TLN2: variants seen among roughly 807,000 people sequenced by gnomAD.
TLN2 encodes the protein talin-2.
TLN2 carries 118 observed loss-of-function variants against 294.7 expected under a neutral mutation model. The ratio of observed to expected loss-of-function variants is 0.40; its 90% CI spans 0.34 to 0.47. The LOEUF (loss-of-function observed/expected upper bound fraction) is 0.47, where lower values mean the gene tolerates loss of function less well. TLN2 is among the 20% of genes least tolerant of loss of function. The pLI is 0.84. For missense variants in TLN2, 3,083 were observed against 3,282.2 expected, an observed-to-expected ratio of 0.94 and a Z score of 1.48; for synonymous variants, 1,431 against 1,304.5, an observed-to-expected ratio of 1.10 and a Z score of -2.09.
At position 62,541,931 on chromosome 15, in the gene TLN2, G is replaced by A. The variant is rs1199845191; in HGVS notation, c.-237-47756G>A. On this transcript the variant is annotated intron_variant, in intron 1 of 58. Coordinates refer to ENST00000636159, the MANE Select transcript of TLN2 (RefSeq NM_015059.3). Reference sequence around the variant, plus strand: ...GCTACTCCAGCTGCTTTGCTATATTGTGGATTATTTGTGAACAAATATTTT... The same window carrying A: ...GCTACTCCAGCTGCTTTGCTATATTATGGATTATTTGTGAACAAATATTTT... 2.0e-5 allele frequency among the ~76,000 whole-genome samples: 3 copies of A among 151,224 alleles called. No homozygotes were observed. In the East Asian group the frequency reaches 5.8e-4, roughly 29 times the overall value.
At chr15:62,594,879 G>T (rs2046356887) in intron 2 of TLN2, among the ~76,000 whole-genome samples, 1 of 152,156 alleles carries the variant, frequency 6.6e-6, no homozygotes, top group African/African-American at 2.4e-5. Context: ...CAGAATGGGA[G>T]AAAATGTTTG....
At chr15:62,835,580 C>T in intron 55 of TLN2, 157 bp from the exon 56 acceptor site, 1 of 755,862 alleles carries the variant, frequency 1.3e-6, no homozygotes, top group East Asian at 2.5e-5. Flanking sequence ...GGCCTGAGTC[C>T]CACGTGAGAA....
chr15:62,650,042 T>A (rs765012191), intron 4 of TLN2, 42 bp from the exon 5 acceptor site: 1 of 1,603,498 alleles, frequency 6.2e-7, no homozygotes, highest in Non-Finnish European at 8.5e-7. Flanking sequence ...GATGGCTTCA[T>A]CACCACTTTG....
rs544283829 is a variant in TLN2 at position 62,843,899 on chromosome 15, C to G, written c.*3289C>G. On this transcript the variant is annotated 3_prime_UTR_variant, in exon 59 of 59. Transcript: ENST00000636159. ...TGGCAGATAGTCCCCAGAATCTTCT[C>G]TCCCAGCTTTGAGGTTCTGGGCTCT... is the stretch of plus-strand genomic sequence containing the variant. 6.6e-6 allele frequency: 1 copy of G among 152,306 alleles called. No homozygotes were observed. Among genetic ancestry groups the G allele is most frequent in the South Asian group, 2.1e-4 (1 of 4,820 alleles). 9.4% of individuals were successfully genotyped at this position (152,306 alleles called of 1,614,324 possible).
chr15:62,557,009 C>G (rs1273514035), intron 1 of TLN2, among the ~76,000 whole-genome samples: 2 of 152,144 alleles, frequency 1.3e-5, no homozygotes, highest in South Asian at 4.1e-4. Flanking sequence ...TATGATTGAT[C>G]AAAAACAGAT....
At chr15:62,640,878 T>C (rs1285310707) in intron 3 of TLN2, among the ~76,000 whole-genome samples, 1 of 152,172 alleles carries the variant, frequency 6.6e-6, no homozygotes, top group Non-Finnish European at 1.5e-5. Context: ...CTTGGCTCAC[T>C]GCAACCACTA....
At chr15:62,687,566 T>C (rs749463555) in intron 12 of TLN2, among the ~76,000 whole-genome samples, 2 of 152,198 alleles carry the variant, frequency 1.3e-5, no homozygotes, top group Non-Finnish European at 2.9e-5. Flanking sequence ...TGAAACACAA[T>C]AGAGCGGGTG....
At chr15:62,840,380 T>A in intron 58 of TLN2, 102 bp from the exon 59 acceptor site, 1 of 1,497,980 alleles carries the variant, frequency 6.7e-7, no homozygotes, top group South Asian at 1.3e-5. Context: ...TGCTGCAGTG[T>A]CCCACGGTCG....
At chr15:62,593,305 C>T (rs1321130062) in intron 2 of TLN2, among the ~76,000 whole-genome samples, 1 of 152,246 alleles carries the variant, frequency 6.6e-6, no homozygotes, top group African/African-American at 2.4e-5. Context: ...CCCTGAGTGA[C>T]TGAGAGTTCT....
chr15:62,722,386 G>T lies in TLN2; in HGVS notation c.3025G>T (p.Ala1009Ser), dbSNP rs113672570. ...GSKMVSSAKA[A>S]VPTVSDQAAA... Reference sequence around the variant, plus strand: ...CAAGATGGTGTCCTCTGCCAAAGCCGCAGTGCCCACCGTGAGTGACCAGGC... The same window carrying T: ...CAAGATGGTGTCCTCTGCCAAAGCCTCAGTGCCCACCGTGAGTGACCAGGC... Residue 1009 changes from alanine (A) to serine (S), a missense_variant, in exon 26 of 59, where the codon GCA becomes TCA. Physicochemically the swap from Ala to Ser is moderately conservative, Grantham distance 99. Coordinates refer to ENST00000636159, the MANE Select transcript of TLN2 (RefSeq NM_015059.3). 49 of 1,612,664 alleles carry T rather than the reference G, an allele frequency of 3.0e-5. No homozygotes were observed. In the South Asian group the frequency reaches 4.9e-4, roughly 16 times the overall value.
At chr15:62,420,101 C>A (rs1438603771) in intron 1 of TLN2, among the ~76,000 whole-genome samples, 1 of 152,182 alleles carries the variant, frequency 6.6e-6, no homozygotes, top group Non-Finnish European at 1.5e-5. Flanking sequence ...CCTTATAAAA[C>A]TGGGAAATTA....
At chr15:62,621,951 C>G (rs1201471478) in intron 3 of TLN2, among the ~76,000 whole-genome samples, 8 of 152,260 alleles carry the variant, frequency 5.3e-5, no homozygotes, top group Non-Finnish European at 4.4e-5. Context: ...AATCACTCTG[C>G]TAGTGTAGAT....
At chr15:62,437,081 C>G (rs1342674522) in intron 1 of TLN2, among the ~76,000 whole-genome samples, 5 of 152,202 alleles carry the variant, frequency 3.3e-5, no homozygotes, top group Non-Finnish European at 5.9e-5. Context: ...AGTAGAATTC[C>G]CAACACATTG....
intron 2 of TLN2, among the ~76,000 whole-genome samples, chr15:62,593,740 T>A (rs1368853583): frequency 2.6e-5 from 4 of 152,198 alleles, no homozygotes; most frequent in African/African-American, 9.7e-5. Context: ...TTACAACAAA[T>A]CAGAATTGGA....
chr15:62,806,831 C>CG (rs2066320635), intron 51 of TLN2, among the ~76,000 whole-genome samples: 1 of 152,132 alleles, frequency 6.6e-6, no homozygotes, highest in Non-Finnish European at 1.5e-5. Context: ...AAGACCAGCT[C>CG]CTACAGCGTG....
chr15:62,681,211 T>C (rs2056800698), intron 11 of TLN2, among the ~76,000 whole-genome samples: 1 of 152,168 alleles, frequency 6.6e-6, no homozygotes, highest in South Asian at 2.1e-4. Context: ...AAGACATCAG[T>C]AACAGATTTC....
At position 62,600,524 on chromosome 15, in the gene TLN2, C is replaced by T. The variant is rs190053696; in HGVS notation, c.-162+10762C>T. On this transcript the variant is annotated intron_variant, in intron 2 of 58. Transcript: ENST00000636159. ...AATGGACTCACTCTCAGCATCAAGA[C>T]AGGATCCCAAGAGGCACTGACAAGC... Among the ~76,000 whole-genome samples, 1,040 of 152,250 alleles carry T rather than the reference C, an allele frequency of 6.8e-3. 11 individuals are homozygous for T. Among genetic ancestry groups the T allele is most frequent in the Middle Eastern group, 6.8e-3 (2 of 294 alleles).
chr15:62,826,880 G>C (rs892013610), intron 54 of TLN2, among the ~76,000 whole-genome samples: 8 of 152,220 alleles, frequency 5.3e-5, no homozygotes, highest in African/African-American at 1.9e-4. Flanking sequence ...ATATATCCAA[G>C]AGGGTTTTTT....
chr15:62,499,489 C>T (rs2039191873), intron 1 of TLN2, among the ~76,000 whole-genome samples: 1 of 152,148 alleles, frequency 6.6e-6, no homozygotes, highest in South Asian at 2.1e-4. Context: ...GGCTTGAAAC[C>T]AAGCCTCTTT....
Sources: gnomAD v4.1 joint callset for allele counts (sites outside exome capture counted in the v4.1 genomes callset) on GRCh38, gnomAD v4.1.1 for gene constraint, MANE v1.5 for transcripts, NCBI Gene and HGNC (gene_info 2026-07-23, HGNC 2026-07-21) for gene names.